Variants in PROM1 observed in about 807,000 individuals in gnomAD.
PROM1 encodes the protein prominin 1.
Under a neutral mutation model 116.9 loss-of-function variants are expected in PROM1, and 105 were observed. The observed-to-expected ratio is 0.90, with a 90% confidence interval of 0.77 to 1.06. The LOEUF is 1.06. Ranked by LOEUF, PROM1 falls within the 50% of genes least tolerant of loss-of-function variation. PROM1 has a pLI of 0.00. For missense variants in PROM1, 1,122 were observed against 1,045.2 expected (o/e 1.07, Z -1.01); for synonymous variants, 393 against 387.0 (o/e 1.02, Z -0.18).
chr4:16,081,944 G>A lies in PROM1; in HGVS notation c.-213+2034C>T, dbSNP rs1197220404. Among the ~76,000 whole-genome samples the A allele has an allele frequency of 3.3e-5, 5 of 152,032 alleles. No individual in the cohort carries two copies. The East Asian group carries it at 9.6e-4, about 29-fold the overall frequency. On this transcript the variant is annotated intron_variant, in intron 1 of 27. Coordinates refer to ENST00000447510, the MANE Select transcript of PROM1 (RefSeq NM_006017.3). ...AAACAAGAATAAACTAAAGGGCACT[G>A]CTGAATAGACAGACAACAGCAACAG... is the stretch of plus-strand genomic sequence containing the variant.
chr4:15,990,751 T>C (rs886335073), intron 18 of PROM1, among the ~76,000 whole-genome samples: 3 of 152,208 alleles, frequency 2.0e-5, no homozygotes, highest in Admixed American at 1.3e-4. Context: ...CCATAAGGCA[T>C]GCCCGCCAGC....
chr4:15,983,047 T>C (rs1718365963), intron 23 of PROM1, among the ~76,000 whole-genome samples: 1 of 152,170 alleles, frequency 6.6e-6, no homozygotes, highest in Non-Finnish European at 1.5e-5. Context: ...AATGCACTGG[T>C]GACTCATGGA....
intron 20 of PROM1, among the ~76,000 whole-genome samples, 170 bp from the exon 21 acceptor site, chr4:15,986,207 T>C (rs1184087787): frequency 6.6e-6 from 1 of 152,130 alleles, no homozygotes; most frequent in African/African-American, 2.4e-5. Context: ...GGGAAGGAGA[T>C]GAGCTGAAAG....
intron 2 of PROM1, among the ~76,000 whole-genome samples, chr4:16,048,594 C>T (rs1165763043): frequency 6.6e-6 from 1 of 151,972 alleles, no homozygotes; most frequent in Non-Finnish European, 1.5e-5. Context: ...ATTTAAAATG[C>T]AAGTTGAACA....
chr4:16,008,277 A>G (rs1271349225), intron 12 of PROM1, among the ~76,000 whole-genome samples: 1 of 152,136 alleles, frequency 6.6e-6, no homozygotes, highest in Admixed American at 6.5e-5. Flanking sequence ...TTGAGCCTCC[A>G]AGTCCTTCCC....
chr4:15,988,688 T>C (rs966060075), intron 19 of PROM1, among the ~76,000 whole-genome samples: 12 of 152,178 alleles, frequency 7.9e-5, no homozygotes, highest in Non-Finnish European at 1.3e-4. Flanking sequence ...GGGTCCTGTG[T>C]ACTTGGGAAA....
chr4:16,018,268 G>C (rs934739271), intron 9 of PROM1, 55 bp downstream of exon 9: 7 of 1,566,696 alleles, frequency 4.5e-6, no homozygotes, highest in Non-Finnish European at 6.1e-6. Context: ...GCTTAGCCCT[G>C]CCCGGCAATC....
chr4:16,011,940 A>C (rs1003159284), intron 11 of PROM1, among the ~76,000 whole-genome samples: 1 of 152,208 alleles, frequency 6.6e-6, no homozygotes, highest in Non-Finnish European at 1.5e-5. Context: ...ATGATTTTTA[A>C]AAGAAATAGA....
chr4:16,044,305 A>G (rs1736013413), intron 2 of PROM1, among the ~76,000 whole-genome samples: 1 of 152,216 alleles, frequency 6.6e-6, no homozygotes, highest in South Asian at 2.1e-4. Flanking sequence ...CTCTTGTAAA[A>G]TGAATAGAGA....
chr4:15,989,338 A>G (rs1465650808), intron 19 of PROM1, among the ~76,000 whole-genome samples: 2 of 135,402 alleles, frequency 1.5e-5, no homozygotes, highest in Non-Finnish European at 3.3e-5. Context: ...GACAGCAGAC[A>G]GGGCTAAGTG....
chr4:16,026,395 A>AT lies in PROM1; in HGVS notation c.510-1084dup, dbSNP rs527389717. 5.1e-3 allele frequency among the ~76,000 whole-genome samples: 782 copies of AT among 152,292 alleles called. 2 individuals carry two copies. Among genetic ancestry groups the AT allele is most frequent in the Middle Eastern group, 0.01 (3 of 294 alleles). ...GGAACTACATAAACATAGCCGAACTATTTTTACCTGCAGAAGCAAGTAAAA... is the reference window on the plus strand; with the variant it reads ...GGAACTACATAAACATAGCCGAACTATTTTTTACCTGCAGAAGCAAGTAAAA... On this transcript the variant is annotated intron_variant, in intron 5 of 27. Coordinates refer to ENST00000447510, the MANE Select transcript of PROM1 (RefSeq NM_006017.3).
At chr4:16,018,993 C>T (rs956520555) in intron 8 of PROM1, among the ~76,000 whole-genome samples, 1 of 152,180 alleles carries the variant, frequency 6.6e-6, no homozygotes, top group East Asian at 1.9e-4. Context: ...GTTAAGAGCA[C>T]GGTTTTAGAT....
chr4:16,023,918 C>G (rs892422771), intron 7 of PROM1, among the ~76,000 whole-genome samples: 5 of 152,178 alleles, frequency 3.3e-5, no homozygotes, highest in African/African-American at 1.2e-4. Context: ...CAGGGTTGAG[C>G]CCTCTCCATC....
At chr4:16,032,912 AC>A (rs2149379265) in intron 5 of PROM1, among the ~76,000 whole-genome samples, 1 of 152,246 alleles carries the variant, frequency 6.6e-6, no homozygotes, top group South Asian at 2.1e-4. Flanking sequence ...ATTCCTTTGG[AC>A]TCAACTAGCA....
At chr4:16,072,126 T>C (rs1742951646) in intron 2 of PROM1, among the ~76,000 whole-genome samples, 1 of 152,162 alleles carries the variant, frequency 6.6e-6, no homozygotes, top group African/African-American at 2.4e-5. Context: ...CCTTGTCTAA[T>C]TTAAACTAAT....
chr4:16,013,242 A>T, intron 11 of PROM1, 33 bp downstream of exon 11: 1 of 1,550,900 alleles, frequency 6.4e-7, no homozygotes, highest in Non-Finnish European at 8.9e-7. Flanking sequence ...CTGACCTACC[A>T]ATCACAAAAT....
In PROM1 at chr4:16,075,681, A is replaced by C. The variant is rs2149585402; in HGVS notation, c.220+6T>G. ...AATCCTATCTTTCCCTGCCATCAGCACTTACCTTCTGGGAAATCACGCGGC... is the reference window on the plus strand; with the variant it reads ...AATCCTATCTTTCCCTGCCATCAGCCCTTACCTTCTGGGAAATCACGCGGC... On this transcript the variant is annotated splice_donor_region_variant and intron_variant, in intron 2 of 27. Transcript: ENST00000447510. The C allele has an allele frequency of 6.2e-7, 1 of 1,609,196 alleles. No individual in the cohort carries two copies. Among genetic ancestry groups the C allele is most frequent in the East Asian group, 2.2e-5 (1 of 44,794 alleles).
intron 17 of PROM1, 87 bp downstream of exon 17, chr4:15,992,161 T>C (rs1390914080): frequency 6.5e-7 from 1 of 1,541,330 alleles, no homozygotes; most frequent in African/African-American, 1.4e-5. Context: ...GAATCTCATC[T>C]TAATAAAAAA....
At chr4:16,000,704 T>C (rs1723573687) in intron 13 of PROM1, 85 bp from the exon 14 acceptor site, 1 of 1,188,042 alleles carries the variant, frequency 8.4e-7, no homozygotes, top group Admixed American at 2.6e-5. Context: ...CTATACTCTA[T>C]AAAATAGCCC....
Sources: allele counts gnomAD v4.1 joint callset (sites outside exome capture counted in the v4.1 genomes callset), GRCh38; gene constraint gnomAD v4.1.1; transcripts MANE v1.5; gene names NCBI Gene and HGNC (gene_info 2026-07-23, HGNC 2026-07-21).